The following PLAA variants were observed in gnomAD, a reference collection of about 807,000 sequenced individuals.
PLAA encodes phospholipase A2 activating protein.
Under a neutral mutation model 84.1 loss-of-function variants are expected in PLAA, and 48 were observed. The ratio of observed to expected loss-of-function variants is 0.57; its 90% CI spans 0.45 to 0.73. The LOEUF is 0.73. Ranked by LOEUF, PLAA falls within the 30% of genes least tolerant of loss-of-function variation. The probability of loss-of-function intolerance (pLI) is 0.00; values close to 1 mark genes in which losing one functional copy is unlikely to be tolerated. For missense variants in PLAA, 903 were observed against 954.7 expected (o/e 0.95, Z 0.71); for synonymous variants, 392 against 336.6 (o/e 1.16, Z -1.80).
At chr9:26,919,620 A>G in intron 8 of PLAA, 91 bp from the exon 9 acceptor site, 1 of 731,166 alleles carries the variant, frequency 1.4e-6, no homozygotes, top group South Asian at 2.0e-5. Context: ...GTGTTCTTTA[A>G]TAATTACAGT....
intron 1 of PLAA, among the ~76,000 whole-genome samples, chr9:26,939,839 C>G (rs1304313473): frequency 6.6e-6 from 1 of 151,934 alleles, no homozygotes; most frequent in Admixed American, 6.6e-5. Flanking sequence ...AAGTTCGGTA[C>G]AGGAAGAAGA....
chr9:26,922,762 G>A (rs1214838029), intron 7 of PLAA, among the ~76,000 whole-genome samples: 1 of 151,816 alleles, frequency 6.6e-6, no homozygotes, highest in Non-Finnish European at 1.5e-5. Flanking sequence ...AACCTTCTGG[G>A]CTCAAACCAT....
At chr9:26,916,105 A>C (rs1055902936) in intron 10 of PLAA, 85 of 985,316 alleles carry the variant, frequency 8.6e-5, no homozygotes, top group Non-Finnish European at 1.0e-4. Context: ...GGCCATCAAT[A>C]AATTCACAGG....
rs141319260 is a variant in PLAA, at chr9:26,906,466, T to C, written c.1823-390A>G. 9.6e-3 allele frequency among the ~76,000 whole-genome samples: 1,438 copies of C among 149,048 alleles called. 13 individuals carry two copies. Among genetic ancestry groups the C allele is most frequent in the South Asian group, 0.033 (152 of 4,616 alleles). ...TTTTTTGAGACAGTTTCACTCCTGT[T>C]GCCCAGGCTGGATTGCAATGGCATG... On this transcript the variant is annotated intron_variant, in intron 13 of 13. Coordinates refer to ENST00000397292, the MANE Select transcript of PLAA (RefSeq NM_001031689.3).
rs983324980 is a variant in PLAA at position 26,903,770 on chromosome 9, A to T, written c.*1741T>A. ...AACATGAAATAGTAAAGTTGACATAAAAAAACTTGCACAGTAATAGGAAGC... is the reference window on the plus strand; with the variant it reads ...AACATGAAATAGTAAAGTTGACATATAAAAACTTGCACAGTAATAGGAAGC... On this transcript the variant is annotated 3_prime_UTR_variant, in exon 14 of 14. Coordinates refer to ENST00000397292, the MANE Select transcript of PLAA (RefSeq NM_001031689.3). Among the ~76,000 whole-genome samples, 11 of 152,180 alleles carry T rather than the reference A, an allele frequency of 7.2e-5. No individual in the cohort carries two copies. Among genetic ancestry groups the T allele is most frequent in the African/African-American group, 2.7e-4 (11 of 41,446 alleles).
intron 10 of PLAA, chr9:26,916,286 G>A (rs1401410719): frequency 2.0e-6 from 2 of 985,220 alleles, no homozygotes; most frequent in Non-Finnish European, 2.4e-6. Flanking sequence ...TTCCCAAACT[G>A]AGTATACTGT....
intron 1 of PLAA, among the ~76,000 whole-genome samples, chr9:26,942,043 T>C (rs1309724363): frequency 3.9e-5 from 6 of 152,228 alleles, no homozygotes; most frequent in Non-Finnish European, 5.9e-5. Context: ...ATACAATGGA[T>C]TCCATCACAA....
At chr9:26,917,010 G>T in intron 10 of PLAA, 87 bp downstream of exon 10, 1 of 1,055,778 alleles carries the variant, frequency 9.5e-7, no homozygotes, top group Non-Finnish European at 1.4e-6. Context: ...CCAATTACTG[G>T]ATGACATCTC....
At chr9:26,941,003 T>C (rs1436565979) in intron 1 of PLAA, among the ~76,000 whole-genome samples, 2 of 152,154 alleles carry the variant, frequency 1.3e-5, no homozygotes, top group Non-Finnish European at 2.9e-5. Context: ...GCATAGATGT[T>C]TGTGTGCATC....
At chr9:26,934,093 G>A (rs915549671) in intron 2 of PLAA, among the ~76,000 whole-genome samples, 3 of 152,080 alleles carry the variant, frequency 2.0e-5, no homozygotes, top group African/African-American at 7.2e-5. Flanking sequence ...ACACATATGA[G>A]CCATGGTGCC....
chr9:26,917,015 C>T (rs534951145), intron 10 of PLAA, 82 bp downstream of exon 10: 2 of 1,107,806 alleles, frequency 1.8e-6, no homozygotes, highest in Admixed American at 2.1e-5. Context: ...TACTGGATGA[C>T]ATCTCCAAGA....
chr9:26,915,371 T>C (rs931456169), intron 10 of PLAA, among the ~76,000 whole-genome samples: 1 of 152,170 alleles, frequency 6.6e-6, no homozygotes, highest in Non-Finnish European at 1.5e-5. Context: ...ATAAGTAATT[T>C]AAACAAGCTT....
chr9:26,934,408 A>G (rs1189517517), intron 2 of PLAA, among the ~76,000 whole-genome samples: 1 of 152,126 alleles, frequency 6.6e-6, no homozygotes, highest in African/African-American at 2.4e-5. Flanking sequence ...ATTGCATGAA[A>G]TAGTTAAAAA....
Position 26,903,976 on chromosome 9 carries a change from T to C in PLAA, c.*1535A>G, listed in dbSNP as rs80187170. 1 of 153,716 alleles carries C rather than the reference T, an allele frequency of 6.5e-6. No individual in the cohort carries two copies. The highest frequency in any genetic ancestry group is 1.5e-5 in the Non-Finnish European group (1 of 68,016). The allele number at this position is 153,716 out of a possible 1,614,324, so 9.5% of individuals were successfully genotyped here. ...CCAGACCTGGGTTAAATTCCTAATT[T>C]TGCCATTTAACTTTGACATAACCAC... On this transcript the variant is annotated 3_prime_UTR_variant, in exon 14 of 14. Coordinates refer to ENST00000397292, the MANE Select transcript of PLAA (RefSeq NM_001031689.3).
At chr9:26,929,882 ACT>A (rs1411840169) in intron 2 of PLAA, among the ~76,000 whole-genome samples, 1 of 151,784 alleles carries the variant, frequency 6.6e-6, no homozygotes, top group Non-Finnish European at 1.5e-5. Context: ...TGCTGTGGTA[ACT>A]CTCCCTTTTT....
chr9:26,947,210 C>T lies in PLAA; in HGVS notation c.-165G>A, dbSNP rs1218791182. 4.3e-5 allele frequency: 33 copies of T among 767,872 alleles called. No individual in the cohort carries two copies. The East Asian group carries it at 9.8e-4, about 23-fold the overall frequency. The allele number at this position is 767,872 out of a possible 1,614,324, so 47.6% of individuals were successfully genotyped here. ...GTACGGAAGGGCGGCTGGGAAGGGGCGCGCCGAGCGGGCCGAGTGACACAG... is the reference window on the plus strand; with the variant it reads ...GTACGGAAGGGCGGCTGGGAAGGGGTGCGCCGAGCGGGCCGAGTGACACAG... On this transcript the variant is annotated 5_prime_UTR_variant, in exon 1 of 14. Coordinates refer to ENST00000397292, the MANE Select transcript of PLAA (RefSeq NM_001031689.3).
intron 8 of PLAA, 70 bp from the exon 9 acceptor site, chr9:26,919,599 A>C (rs1824689093): frequency 2.4e-6 from 2 of 822,920 alleles, no homozygotes; most frequent in South Asian, 1.6e-5. Flanking sequence ...CATATACAAC[A>C]TAACACAGAT....
intron 11 of PLAA, among the ~76,000 whole-genome samples, chr9:26,913,552 A>C (rs1824458207): frequency 6.6e-6 from 1 of 152,220 alleles, no homozygotes; most frequent in Non-Finnish European, 1.5e-5. Context: ...GTAAAACAGT[A>C]GTTTCCGATC....
Position 26,905,765 on chromosome 9 carries a change from A to C in PLAA, c.2134T>G (p.Cys712Gly), listed in dbSNP as rs1824211983. ...TCAATGTTATGGTCTTTATGAAAAC[A>C]AACAGAATAGTTCAGGGCCAATGTA... is the stretch of plus-strand genomic sequence containing the variant. ...LATLALNYSV[C>G]FHKDHNIEGK... Residue 712 changes from cysteine to glycine, a missense_variant, in exon 14 of 14, where the codon TGT becomes GGT. Physicochemically the swap from Cys to Gly is radical, Grantham distance 159 (BLOSUM62 -3). Transcript: ENST00000397292. The C allele has an allele frequency of 6.2e-7, 1 of 1,614,116 alleles. No individual in the cohort carries two copies. Among genetic ancestry groups the C allele is most frequent in the Non-Finnish European group, 8.5e-7 (1 of 1,180,050 alleles).
Sources: allele counts gnomAD v4.1 joint callset (sites outside exome capture counted in the v4.1 genomes callset), GRCh38; gene constraint gnomAD v4.1.1; transcripts MANE v1.5; gene names NCBI Gene and HGNC (gene_info 2026-07-23, HGNC 2026-07-21).